The following ONECUT2 variants were observed in gnomAD, a reference collection of about 807,000 sequenced individuals.
ONECUT2 encodes one cut homeobox 2.
Under a neutral mutation model 27.9 loss-of-function variants are expected in ONECUT2, and 10 were observed. That is an observed-to-expected ratio of 0.36 (90% CI 0.22 to 0.61). The LOEUF (loss-of-function observed/expected upper bound fraction) is 0.61. ONECUT2 is among the 20% of genes least tolerant of loss of function. The pLI, the probability that ONECUT2 is intolerant of heterozygous loss-of-function variation, is 0.73. For missense variants in ONECUT2, 686 were observed against 721.0 expected (o/e 0.95, Z 0.56); for synonymous variants, 334 against 315.1 (o/e 1.06, Z -0.64).
rs7237996 is a variant in ONECUT2 at position 57,478,275 on chromosome 18, A to G, written c.*1552A>G. ...GGAGATTGCAAAGGTCACAATGTGCATATTTACCAGTGAATGGCCCCGGGT... is the reference window on the plus strand; with the variant it reads ...GGAGATTGCAAAGGTCACAATGTGCGTATTTACCAGTGAATGGCCCCGGGT... On this transcript the variant is annotated 3_prime_UTR_variant, in exon 2 of 2. Coordinates refer to ENST00000491143, the MANE Select transcript of ONECUT2 (RefSeq NM_004852.3). The G allele has an allele frequency of 0.31, 47,682 of 152,344 alleles. 8,314 individuals carry two copies. The highest frequency in any genetic ancestry group is 0.45 in the African/African-American group (18,704 of 41,474). The allele number at this position is 152,344 out of a possible 1,614,324, so 9.4% of individuals were successfully genotyped here.
intron 1 of ONECUT2, among the ~76,000 whole-genome samples, chr18:57,448,502 G>C (rs1285492116): frequency 1.3e-5 from 2 of 152,214 alleles, no homozygotes; most frequent in African/African-American, 4.8e-5. Context: ...GAACATATCT[G>C]AATCAGATAT....
At chr18:57,467,415 G>A (rs1357185950) in intron 1 of ONECUT2, among the ~76,000 whole-genome samples, 1 of 152,104 alleles carries the variant, frequency 6.6e-6, no homozygotes, top group Non-Finnish European at 1.5e-5. Context: ...ACCCAGGCGG[G>A]AGCGCAATGG....
Position 57,486,092 on chromosome 18 carries a change from A to G in ONECUT2, c.*9369A>G, listed in dbSNP as rs2122167336. On this transcript the variant is annotated 3_prime_UTR_variant, in exon 2 of 2. Coordinates refer to ENST00000491143, the MANE Select transcript of ONECUT2 (RefSeq NM_004852.3). ...CACCCATACGAGAGAGGATCTAGAA[A>G]GAGCGATGGCAGCCTGAACACAGAA... The G allele has an allele frequency of 6.5e-6, 1 of 152,904 alleles. No homozygotes were observed. The highest frequency in any genetic ancestry group is 1.5e-5 in the Non-Finnish European group (1 of 68,136). 9.5% of individuals were successfully genotyped at this position (152,904 alleles called of 1,614,324 possible).
intron 1 of ONECUT2, among the ~76,000 whole-genome samples, chr18:57,439,766 C>T (rs1036292575): frequency 1.3e-5 from 2 of 152,152 alleles, no homozygotes; most frequent in African/African-American, 4.8e-5. Flanking sequence ...ACTCTCAGAC[C>T]GGTGCCTGGA....
At chr18:57,475,905 A>T (rs1339825997) in intron 1 of ONECUT2, among the ~76,000 whole-genome samples, 4 of 152,190 alleles carry the variant, frequency 2.6e-5, no homozygotes, top group Non-Finnish European at 1.5e-5. Flanking sequence ...GGATGATACC[A>T]TCATTCTGTC....
chr18:57,473,924 G>C (rs150132180), intron 1 of ONECUT2, among the ~76,000 whole-genome samples: 39 of 152,288 alleles, frequency 2.6e-4, no homozygotes, highest in Non-Finnish European at 4.6e-4. Flanking sequence ...AATCATTACC[G>C]GTAAGCTGTT....
chr18:57,437,534 G>T (rs944039696), intron 1 of ONECUT2, among the ~76,000 whole-genome samples: 3 of 152,224 alleles, frequency 2.0e-5, no homozygotes, highest in Non-Finnish European at 4.4e-5. Flanking sequence ...CCCCCGCGGG[G>T]AACCGGCGGC....
At position 57,486,835 on chromosome 18, in the gene ONECUT2, T is replaced by C. The variant is rs1252076754; in HGVS notation, c.*10112T>C. ...TTGAAAAGAATAATTATTTTCTACA[T>C]TTGTGCCACTTGGTCTGAACAATTA... On this transcript the variant is annotated 3_prime_UTR_variant, in exon 2 of 2. Transcript: ENST00000491143. The C allele has an allele frequency of 2.0e-5, 3 of 152,562 alleles. No homozygotes were observed. Among genetic ancestry groups the C allele is most frequent in the Non-Finnish European group, 4.4e-5 (3 of 68,004 alleles). 9.5% of individuals were successfully genotyped at this position (152,562 alleles called of 1,614,324 possible). A position where few individuals can be genotyped will look rare whatever the true frequency, so the allele number is the denominator to read the frequency against.
At position 57,484,221 on chromosome 18, in the gene ONECUT2, A is replaced by T. The variant is rs1201181703; in HGVS notation, c.*7498A>T. 6.6e-6 allele frequency: 1 copy of T among 152,638 alleles called. No individual in the cohort carries two copies. The highest frequency in any genetic ancestry group is 1.5e-5 in the Non-Finnish European group (1 of 68,040). The allele number at this position is 152,638 out of a possible 1,614,324, so 9.5% of individuals were successfully genotyped here. ...AAGCAGAAAAAAGAAAAAAAAAATGAAAAACTTTCTATTTCTAGTGAGAAC... is the reference window on the plus strand; with the variant it reads ...AAGCAGAAAAAAGAAAAAAAAAATGTAAAACTTTCTATTTCTAGTGAGAAC... On this transcript the variant is annotated 3_prime_UTR_variant, in exon 2 of 2. Coordinates refer to ENST00000491143, the MANE Select transcript of ONECUT2 (RefSeq NM_004852.3).
chr18:57,444,878 G>C (rs887976730), intron 1 of ONECUT2, among the ~76,000 whole-genome samples: 5 of 152,082 alleles, frequency 3.3e-5, no homozygotes, highest in African/African-American at 1.2e-4. Context: ...TGGGAAGGGG[G>C]GTGGGAAGAG....
chr18:57,450,031 G>C (rs2050221610), intron 1 of ONECUT2, among the ~76,000 whole-genome samples: 1 of 152,078 alleles, frequency 6.6e-6, no homozygotes, highest in South Asian at 2.1e-4. Context: ...ACCCACACCA[G>C]GTATTCTTTT....
chr18:57,465,832 C>A (rs1426355142), intron 1 of ONECUT2, among the ~76,000 whole-genome samples: 1 of 152,184 alleles, frequency 6.6e-6, no homozygotes, highest in East Asian at 1.9e-4. Flanking sequence ...TATACTAAAT[C>A]GCCAGTTGAT....
rs1199241401 is a variant in ONECUT2 at position 57,476,417 on chromosome 18, T to G, written c.1229-20T>G. On this transcript the variant is annotated intron_variant, in intron 1 of 1. Coordinates refer to ENST00000491143, the MANE Select transcript of ONECUT2 (RefSeq NM_004852.3). ...CAGGTGAGCCCACTGACTCCTCTCC[T>G]TCTTCTCTTTCCCTTCAAGCGTGCA... 6.2e-7 allele frequency: 1 copy of G among 1,610,296 alleles called. No individual in the cohort carries two copies. The highest frequency in any genetic ancestry group is 1.1e-5 in the South Asian group (1 of 90,760).
chr18:57,452,701 A>G (rs2050237643), intron 1 of ONECUT2, among the ~76,000 whole-genome samples: 1 of 152,262 alleles, frequency 6.6e-6, no homozygotes, highest in Admixed American at 6.5e-5. Flanking sequence ...CTGGGATTAC[A>G]GGCGTGCGCC....
chr18:57,441,314 A>G (rs1440706915), intron 1 of ONECUT2, among the ~76,000 whole-genome samples: 1 of 152,280 alleles, frequency 6.6e-6, no homozygotes, highest in Non-Finnish European at 1.5e-5. Context: ...GCGCGTTTCC[A>G]GTAAGCCCGA....
chr18:57,462,258 T>C (rs1438440504), intron 1 of ONECUT2, among the ~76,000 whole-genome samples: 1 of 152,268 alleles, frequency 6.6e-6, no homozygotes, highest in African/African-American at 2.4e-5. Flanking sequence ...ATTGGAATGT[T>C]TGGCATTTCC....
rs2050132885 is a variant in ONECUT2, at chr18:57,435,528, G to A, written c.-189G>A. On this transcript the variant is annotated 5_prime_UTR_variant, in exon 1 of 2. Coordinates refer to ENST00000491143, the MANE Select transcript of ONECUT2 (RefSeq NM_004852.3). ...CTCCCCTCTCCCGCACGCACGCCCC[G>A]TCCGCCCCCACCCCGCCCCCACCCC... 9.6e-5 allele frequency among the ~76,000 whole-genome samples: 3 copies of A among 31,128 alleles called. No individual in the cohort carries two copies. The Admixed American group carries it at 1.3e-3, about 13-fold the overall frequency. The allele number at this position is 31,128 out of a possible 152,430, so 20.4% of individuals were successfully genotyped here.
intron 1 of ONECUT2, among the ~76,000 whole-genome samples, chr18:57,462,730 T>C (rs1157591064): frequency 2.8e-5 from 4 of 141,390 alleles, no homozygotes; most frequent in Non-Finnish European, 6.2e-5. Flanking sequence ...TTTCTTTTTT[T>C]TTTTTTTTTT....
At chr18:57,450,086 C>A (rs942933336) in intron 1 of ONECUT2, among the ~76,000 whole-genome samples, 10 of 152,266 alleles carry the variant, frequency 6.6e-5, no homozygotes, top group African/African-American at 2.2e-4. Flanking sequence ...TTACAGAAGC[C>A]CCTATTCTCA....
Sources: gnomAD v4.1 joint callset for allele counts (sites outside exome capture counted in the v4.1 genomes callset) on GRCh38, gnomAD v4.1.1 for gene constraint, MANE v1.5 for transcripts, NCBI Gene and HGNC (gene_info 2026-07-23, HGNC 2026-07-21) for gene names.